TTC7B: variants seen among roughly 807,000 people sequenced by gnomAD.
TTC7B encodes tetratricopeptide repeat protein 7B.
A neutral mutation model predicts 106.8 loss-of-function variants in TTC7B; 28 were observed. The ratio of observed to expected loss-of-function variants is 0.26; its 90% CI spans 0.19 to 0.36. The LOEUF (loss-of-function observed/expected upper bound fraction) is 0.36. Among genes scored for constraint, TTC7B ranks in the 10% least tolerant of loss-of-function variants. TTC7B has a pLI of 1.00. For synonymous variants in TTC7B, 405 were observed against 430.6 expected (o/e 0.94, Z 0.74); for missense variants, 862 against 1,076.4 (o/e 0.80, Z 2.79).
At chr14:90,606,367 G>A (rs1021868262) in intron 17 of TTC7B, among the ~76,000 whole-genome samples, 6 of 152,088 alleles carry the variant, frequency 3.9e-5, no homozygotes, top group East Asian at 3.8e-4. Flanking sequence ...GGAGACCACC[G>A]CCGCTGCAAT....
chr14:90,601,632 C>A (rs1385302425), intron 17 of TTC7B, among the ~76,000 whole-genome samples: 4 of 152,158 alleles, frequency 2.6e-5, no homozygotes, highest in Non-Finnish European at 5.9e-5. Flanking sequence ...TCCAAAAAAA[C>A]AACTGCTAGG....
At chr14:90,784,569 AC>A (rs1045214099) in intron 2 of TTC7B, among the ~76,000 whole-genome samples, 6 of 151,628 alleles carry the variant, frequency 4.0e-5, no homozygotes, top group African/African-American at 1.5e-4. Flanking sequence ...AAAAAAAAAA[AC>A]ATATGAGATG....
chr14:90,673,405 TG>T (rs1482313195), intron 9 of TTC7B, among the ~76,000 whole-genome samples: 1 of 152,132 alleles, frequency 6.6e-6, no homozygotes, highest in African/African-American at 2.4e-5. Flanking sequence ...AATTTCATTA[TG>T]GGCGGAAAGG....
chr14:90,578,500 C>T lies in TTC7B; in HGVS notation c.2108-192G>A, dbSNP rs995022146. ...CACTCCTATATGGGGACTGGAGTCA[C>T]TCGTGTTGTGGGCCTTGCAGGGCAG... On this transcript the variant is annotated intron_variant, in intron 18 of 19. Transcript: ENST00000328459. This position sits in a 1 kb window ranked among gnomAD's most constrained non-coding sequence, Gnocchi z 4.7. 3.9e-5 allele frequency among the ~76,000 whole-genome samples: 6 copies of T among 152,086 alleles called. No homozygotes were observed. Among genetic ancestry groups the T allele is most frequent in the African/African-American group, 1.2e-4 (5 of 41,426 alleles).
At chr14:90,728,222 G>A (rs181454669) in intron 5 of TTC7B, among the ~76,000 whole-genome samples, 198 of 151,772 alleles carry the variant, frequency 1.3e-3, no homozygotes, top group Non-Finnish European at 1.8e-3. Context: ...CCAGGGCTGG[G>A]AGTGGTGGCT....
intron 16 of TTC7B, among the ~76,000 whole-genome samples, chr14:90,611,943 G>A (rs1892893031): frequency 6.6e-6 from 1 of 152,144 alleles, no homozygotes; most frequent in Admixed American, 6.6e-5. Flanking sequence ...TTTCCAATCT[G>A]GGGGCTTTAA....
chr14:90,803,153 A>AAAGAAAAGAAAAG (rs2030383634), intron 1 of TTC7B, among the ~76,000 whole-genome samples: 1 of 151,752 alleles, frequency 6.6e-6, no homozygotes, highest in Non-Finnish European at 1.5e-5. Flanking sequence ...AAAAAAAAAA[A>AAAGAAAAGAAAAG]ATATGAATGA....
chr14:90,612,589 T>A (rs1892918555), intron 16 of TTC7B, among the ~76,000 whole-genome samples: 1 of 152,208 alleles, frequency 6.6e-6, no homozygotes, highest in South Asian at 2.1e-4. Flanking sequence ...TCTCACCATG[T>A]TTTGGTGCTG....
At chr14:90,735,575 C>T (rs1889488450) in intron 4 of TTC7B, among the ~76,000 whole-genome samples, 1 of 149,592 alleles carries the variant, frequency 6.7e-6, no homozygotes, top group African/African-American at 2.5e-5. Context: ...AAACCACCTA[C>T]TGGCCAGGTG....
intron 2 of TTC7B, among the ~76,000 whole-genome samples, chr14:90,784,126 G>A (rs1891303087): frequency 6.6e-6 from 1 of 151,866 alleles, no homozygotes; most frequent in Admixed American, 6.6e-5. Context: ...CTTGAGTCTG[G>A]CTGGCCATCA....
intron 5 of TTC7B, among the ~76,000 whole-genome samples, chr14:90,713,895 G>C (rs895115389): frequency 2.6e-5 from 4 of 152,186 alleles, no homozygotes; most frequent in African/African-American, 9.6e-5. Flanking sequence ...TACATGCTAC[G>C]ATGGGAGTGA....
chr14:90,762,621 A>C (rs1054762543), intron 3 of TTC7B, among the ~76,000 whole-genome samples: 1 of 152,340 alleles, frequency 6.6e-6, no homozygotes, highest in South Asian at 2.1e-4. Flanking sequence ...CAAATATAGG[A>C]AGTATTGCTT....
chr14:90,543,860 C>G (rs1014497741), intron 19 of TTC7B, among the ~76,000 whole-genome samples: 3 of 152,246 alleles, frequency 2.0e-5, no homozygotes, highest in Non-Finnish European at 2.9e-5. Context: ...CCCAGCTTCA[C>G]CAACAGGCAA....
At chr14:90,604,278 G>C (rs1892549835) in intron 17 of TTC7B, among the ~76,000 whole-genome samples, 1 of 152,174 alleles carries the variant, frequency 6.6e-6, no homozygotes, top group East Asian at 1.9e-4. Flanking sequence ...ATCGAAGTTG[G>C]CAATTGCCAG....
chr14:90,573,054 T>C lies in TTC7B; in HGVS notation c.2310+5052A>G. On this transcript the variant is annotated intron_variant, in intron 19 of 19. Coordinates refer to ENST00000328459, the MANE Select transcript of TTC7B (RefSeq NM_001010854.2). ...CCTTGGGGCGGGGGTTGGGGGGCAG[T>C]GCGTGAAACACAGCCCCTCTGCCAT... 1.3e-5 allele frequency among the ~76,000 whole-genome samples: 2 copies of C among 152,166 alleles called. 1 individual carries two copies. The highest frequency in any genetic ancestry group is 1.3e-4 in the Admixed American group (2 of 15,284).
Position 90,532,634 on chromosome 14 carries a change from C to G in TTC7B, c.*8734G>C, listed in dbSNP as rs556101949. 3.3e-4 allele frequency: 51 copies of G among 152,384 alleles called. No homozygotes were observed. Among genetic ancestry groups the G allele is most frequent in the African/African-American group, 1.2e-3 (48 of 41,584 alleles). 9.4% of individuals were successfully genotyped at this position (152,384 alleles called of 1,614,324 possible). ...ACTTCAAATTTGCTCTAATCATCTG[C>G]CAAGCTGGTAATTATCTTATTTGTT... On this transcript the variant is annotated 3_prime_UTR_variant, in exon 20 of 20. Coordinates refer to ENST00000328459, the MANE Select transcript of TTC7B (RefSeq NM_001010854.2).
chr14:90,804,331 C>CAA (rs1303813239), intron 1 of TTC7B, among the ~76,000 whole-genome samples: 5 of 121,672 alleles, frequency 4.1e-5, no homozygotes, highest in African/African-American at 1.5e-4. Flanking sequence ...GACTCCGTCT[C>CAA]AAAAAAAAAA....
intron 5 of TTC7B, among the ~76,000 whole-genome samples, chr14:90,709,593 G>A (rs1439648509): frequency 2.7e-5 from 4 of 150,390 alleles, no homozygotes; most frequent in South Asian, 2.1e-4. Context: ...GCTAAATGAC[G>A]AGTTAATGGG....
At chr14:90,695,228 A>AG (rs1887690274) in intron 6 of TTC7B, among the ~76,000 whole-genome samples, 2 of 140,686 alleles carry the variant, frequency 1.4e-5, no homozygotes, top group African/African-American at 5.4e-5. Flanking sequence ...TATACATTTT[A>AG]TTATAAAACA....
Sources: gnomAD v4.1 joint callset for allele counts (sites outside exome capture counted in the v4.1 genomes callset) on GRCh38, gnomAD v4.1.1 for gene constraint, Gnocchi (gnomAD v3.1) non-coding constraint, MANE v1.5 for transcripts, NCBI Gene and HGNC (gene_info 2026-07-23, HGNC 2026-07-21) for gene names.